NLRP8: variants seen among roughly 807,000 people sequenced by gnomAD.
The protein encoded by NLRP8 is NLR family pyrin domain containing 8.
In NLRP8, 86 loss-of-function variants were observed where a neutral mutation model predicts 88.7. That is an observed-to-expected ratio of 0.97 (90% CI 0.81 to 1.16). The LOEUF (loss-of-function observed/expected upper bound fraction) is 1.16, where lower values mean the gene tolerates loss of function less well. Ranked by LOEUF, NLRP8 falls within the 50% of genes most tolerant of loss-of-function variation. NLRP8 has a pLI of 0.00. For missense variants in NLRP8, 1,342 were observed against 1,286.5 expected (o/e 1.04, Z -0.66); for synonymous variants, 504 against 494.6 (o/e 1.02, Z -0.25).
chr19:55,956,898 T>C (rs1979381074), intron 3 of NLRP8, among the ~76,000 whole-genome samples: 1 of 152,102 alleles, frequency 6.6e-6, no homozygotes, highest in Non-Finnish European at 1.5e-5. Flanking sequence ...GCTCAAACAA[T>C]TCTCCCACCT....
chr19:55,978,048 C>G (rs1248900357), intron 8 of NLRP8, among the ~76,000 whole-genome samples: 1 of 151,974 alleles, frequency 6.6e-6, no homozygotes, highest in African/African-American at 2.4e-5. Flanking sequence ...ATTTTCTAAG[C>G]CTTTGCTTGT....
At chr19:55,983,467 A>G (rs1224179603) in intron 9 of NLRP8, among the ~76,000 whole-genome samples, 1 of 61,138 alleles carries the variant, frequency 1.6e-5, no homozygotes, top group Non-Finnish European at 4.5e-5. Context: ...CCATCTCAAA[A>G]AAAAAAAAAA....
At position 55,955,590 on chromosome 19, in the gene NLRP8, AG is replaced by A. The variant is rs773597433; in HGVS notation, c.1534del (p.Glu512AsnfsTer22). On this transcript the variant is annotated frameshift_variant, in exon 3 of 10. Transcript: ENST00000291971. LOFTEE classifies it high-confidence loss of function. ...TATGTCTTTACCCTCGTGACTTTTC[AG>A]GAATTTTTTGCGGCCTTGTTTTATG... 5.3e-5 allele frequency: 85 copies of A among 1,614,104 alleles called. No homozygotes were observed. Among genetic ancestry groups the A allele is most frequent in the Non-Finnish European group, 6.1e-5 (72 of 1,180,038 alleles).
chr19:55,949,639 G>A (rs1043485380), intron 1 of NLRP8, among the ~76,000 whole-genome samples: 3 of 152,104 alleles, frequency 2.0e-5, no homozygotes, highest in African/African-American at 7.2e-5. Flanking sequence ...CAGAGAAGGG[G>A]GGACTACTGT....
intron 3 of NLRP8, among the ~76,000 whole-genome samples, chr19:55,956,889 C>T (rs539778477): frequency 6.6e-6 from 1 of 152,170 alleles, no homozygotes; most frequent in South Asian, 2.1e-4. Context: ...ACCTTCTGGG[C>T]TCAAACAATT....
intron 9 of NLRP8, among the ~76,000 whole-genome samples, chr19:55,981,875 C>G (rs1980586975): frequency 6.6e-6 from 1 of 150,510 alleles, no homozygotes; most frequent in Non-Finnish European, 1.5e-5. Flanking sequence ...ATGTAATGAT[C>G]AGGTATCATC....
chr19:55,975,853 C>G (rs1055567240), intron 7 of NLRP8, among the ~76,000 whole-genome samples: 1 of 152,076 alleles, frequency 6.6e-6, no homozygotes, highest in Non-Finnish European at 1.5e-5. Flanking sequence ...CCAAACCGAA[C>G]TTACACAAAT....
At chr19:55,970,922 A>G (rs1980048699) in intron 6 of NLRP8, among the ~76,000 whole-genome samples, 1 of 152,188 alleles carries the variant, frequency 6.6e-6, no homozygotes, top group African/African-American at 2.4e-5. Context: ...CTAATATTCT[A>G]TATCAAGCAT....
intron 9 of NLRP8, among the ~76,000 whole-genome samples, chr19:55,985,779 G>A (rs563753688): frequency 6.6e-6 from 1 of 152,282 alleles, no homozygotes; most frequent in African/African-American, 2.4e-5. Flanking sequence ...ACTTTGGGAG[G>A]CCGAGGCGGG....
At chr19:55,978,642 T>C (rs1454371638) in intron 8 of NLRP8, among the ~76,000 whole-genome samples, 1 of 152,188 alleles carries the variant, frequency 6.6e-6, no homozygotes, top group Admixed American at 6.5e-5. Flanking sequence ...TCAAGGACTC[T>C]TATGGGCCGG....
chr19:55,974,822 C>A (rs1177701894), intron 7 of NLRP8, among the ~76,000 whole-genome samples: 2 of 151,804 alleles, frequency 1.3e-5, no homozygotes, highest in Admixed American at 1.3e-4. Context: ...ACCCGAGAGA[C>A]TTTCCCCCCA....
chr19:55,970,120 T>C (rs1300837150), intron 5 of NLRP8, among the ~76,000 whole-genome samples: 1 of 152,210 alleles, frequency 6.6e-6, no homozygotes, highest in Non-Finnish European at 1.5e-5. Context: ...GAGTAGATTT[T>C]TAACATTCTC....
intron 4 of NLRP8, 60 bp downstream of exon 4, chr19:55,962,297 ACTTT>A: frequency 1.3e-6 from 2 of 1,524,726 alleles, no homozygotes; most frequent in South Asian, 2.4e-5. Context: ...TTTCCCATCC[ACTTT>A]CTTCATTCCC....
intron 8 of NLRP8, among the ~76,000 whole-genome samples, chr19:55,977,150 T>TAC (rs1980380628): frequency 6.8e-6 from 1 of 146,742 alleles, no homozygotes; most frequent in Non-Finnish European, 1.5e-5. Context: ...TATACGTATA[T>TAC]ACGTATATAA....
rs758998632 is a variant in NLRP8 at position 55,955,615 on chromosome 19, T to C, written c.1557T>C (p.Tyr519=). 8.1e-6 allele frequency: 13 copies of C among 1,614,132 alleles called. No individual in the cohort carries two copies. Among genetic ancestry groups the C allele is most frequent in the Admixed American group, 3.3e-5 (2 of 60,008 alleles). ...AGGAATTTTTTGCGGCCTTGTTTTA[T>C]GTTCTCTGTTTCCCACAAAGACTCA... is the stretch of plus-strand genomic sequence containing the variant. Residue 519 remains tyrosine (Y), a synonymous_variant, in exon 3 of 10, where the codon TAT becomes TAC. Coordinates refer to ENST00000291971, the MANE Select transcript of NLRP8 (RefSeq NM_176811.2).
chr19:55,967,557 A>G (rs180739379), intron 5 of NLRP8, among the ~76,000 whole-genome samples: 7 of 152,328 alleles, frequency 4.6e-5, no homozygotes, highest in Admixed American at 2.6e-4. Flanking sequence ...ATGGTACTCC[A>G]TTGTGTATAT....
chr19:55,968,275 C>T (rs183461246), intron 5 of NLRP8, among the ~76,000 whole-genome samples: 124 of 151,264 alleles, frequency 8.2e-4, no homozygotes, highest in Non-Finnish European at 1.5e-3. Context: ...CCCGTCTCTA[C>T]GAAAAATACA....
intron 8 of NLRP8, among the ~76,000 whole-genome samples, chr19:55,979,025 A>C (rs1286184280): frequency 6.6e-6 from 1 of 152,210 alleles, no homozygotes; most frequent in East Asian, 1.9e-4. Flanking sequence ...CTCCTCCCTC[A>C]ATACCCTGCC....
chr19:55,966,378 C>G lies in NLRP8; in HGVS notation c.2379C>G (p.Leu793=), dbSNP rs758269373. The change falls in exon 5 of 10, where the codon CTC becomes CTG. Residue 793 remains leucine (L), a splice_region_variant and synonymous_variant. Transcript: ENST00000291971. ...CCCCCCGGTGCCGTCTGCAGTGTCT[C>G]AGGTGAGATTTGAGAGGGGGGTTAG... 1 of 1,613,450 alleles carries G rather than the reference C, an allele frequency of 6.2e-7. No homozygotes were observed. Among genetic ancestry groups the G allele is most frequent in the South Asian group, 1.1e-5 (1 of 90,962 alleles).
Sources: gnomAD v4.1 joint callset for allele counts (sites outside exome capture counted in the v4.1 genomes callset) on GRCh38, gnomAD v4.1.1 for gene constraint, MANE v1.5 for transcripts, NCBI Gene and HGNC (gene_info 2026-07-23, HGNC 2026-07-21) for gene names.